The following PROZ variants were observed in gnomAD, a reference collection of about 807,000 sequenced individuals.
PROZ encodes protein Z, vitamin K dependent plasma glycoprotein, also known as vitamin K-dependent protein Z.
In PROZ, 46 loss-of-function variants were observed where a neutral mutation model predicts 34.9. That is an observed-to-expected ratio of 1.32 (90% confidence interval 1.04 to 1.69). The LOEUF is 1.69. Ranked by LOEUF, PROZ falls within the 40% of genes most tolerant of loss-of-function variation. The pLI, the probability that PROZ is intolerant of heterozygous loss-of-function variation, is 0.00. For synonymous variants in PROZ, 195 were observed against 208.5 expected (o/e 0.94, Z 0.56); for missense variants, 530 against 520.4 (o/e 1.02, Z -0.18).
Position 113,168,889 on chromosome 13 carries a change from C to G in PROZ, c.574-1524C>G, listed in dbSNP as rs3024758. Among the ~76,000 whole-genome samples the G allele has an allele frequency of 6.3e-3, 964 of 152,196 alleles. 10 individuals carry two copies. The highest frequency in any genetic ancestry group is 0.022 in the African/African-American group (919 of 41,514). On this transcript the variant is annotated intron_variant, in intron 6 of 7. Transcript: ENST00000375547. Reference sequence around the variant, plus strand: ...GACCATAGGTGTGCACGACCACACACAGCTAATTTTTAAATTTCATGTAGA... The same window carrying G: ...GACCATAGGTGTGCACGACCACACAGAGCTAATTTTTAAATTTCATGTAGA...
At position 113,159,948 on chromosome 13, in the gene PROZ, C is replaced by CTCTGGAAAG. The variant is rs1433877833; in HGVS notation, c.71-66_71-65insTCTGGAAAG. On this transcript the variant is annotated intron_variant, in intron 1 of 7. Transcript: ENST00000375547. This position sits in a 1 kb window ranked among gnomAD's most constrained non-coding sequence, Gnocchi z 4.6. ...GGCTGGCGGCCGGCCGGGGAGGAAG[C>CTCTGGAAAG]CAGGCAGCTCTGGAAAGCAGGGCCC... 1.4e-5 allele frequency: 23 copies of CTCTGGAAAG among 1,593,296 alleles called. No individual in the cohort carries two copies. Among genetic ancestry groups the CTCTGGAAAG allele is most frequent in the Admixed American group, 3.3e-5 (2 of 59,974 alleles).
At position 113,158,807 on chromosome 13, in the gene PROZ, A is replaced by C; in HGVS notation, c.70+77A>C. On this transcript the variant is annotated intron_variant, in intron 1 of 7. Coordinates refer to ENST00000375547, the MANE Select transcript of PROZ (RefSeq NM_003891.3). This position sits in a 1 kb window ranked among gnomAD's most constrained non-coding sequence, Gnocchi z 4.3. Reference sequence around the variant, plus strand: ...TCGGTCCATGGTGGATTTGTAGATGAGGCTTTTTCCAGGAGCCAGAGGAGC... The same window carrying C: ...TCGGTCCATGGTGGATTTGTAGATGCGGCTTTTTCCAGGAGCCAGAGGAGC... The C allele has an allele frequency of 6.9e-7, 1 of 1,440,392 alleles. No individual in the cohort carries two copies. The highest frequency in any genetic ancestry group is 9.5e-7 in the Non-Finnish European group (1 of 1,051,642). 89.2% of individuals were successfully genotyped at this position (1,440,392 alleles called of 1,614,324 possible).
At chr13:113,162,056 A>C (rs1225444945) in intron 3 of PROZ, among the ~76,000 whole-genome samples, 1 of 270 alleles carries the variant, frequency 3.7e-3, no homozygotes, top group African/African-American at 4.8e-3. Flanking sequence ...CCACGTCCCC[A>C]CATCCTCCTC....
rs763340899 is a variant in PROZ at position 113,164,537 on chromosome 13, G to T, written c.398G>T (p.Arg133Leu). The T allele has an allele frequency of 6.7e-5, 108 of 1,613,250 alleles. 1 individual carries two copies. The highest frequency in any genetic ancestry group is 1.7e-4 in the Admixed American group (10 of 59,962). ...ELAKNECHPE[R>L]TDGCQHFCLP... ...GCTAAAAATGAATGTCACCCAGAGC[G>T]GACTGATGGGTGTCAACACTTCTGC... The change falls in exon 5 of 8, where the codon CGG (arginine) becomes CTG (leucine). Residue 133 changes from arginine (R) to leucine (L), a missense_variant. Coordinates refer to ENST00000375547, the MANE Select transcript of PROZ (RefSeq NM_003891.3).
chr13:113,171,693 T>G lies in PROZ; in HGVS notation c.791T>G (p.Leu264Arg), dbSNP rs1018947212. 8.1e-6 allele frequency: 13 copies of G among 1,613,804 alleles called. No individual in the cohort carries two copies. The highest frequency in any genetic ancestry group is 1.1e-5 in the Non-Finnish European group (13 of 1,179,986). Reference sequence around the variant, plus strand: ...GACGCGGGGGAGAATGACCTGTCACTGCTGGAGCTGGAGTGGCCCATCCAG... The same window carrying G: ...GACGCGGGGGAGAATGACCTGTCACGGCTGGAGCTGGAGTGGCCCATCCAG... ...DADAGENDLS[L>R]LELEWPIQCP... is the part of the protein sequence containing the mutation. Residue 264 changes from leucine (L) to arginine (R), a missense_variant, in exon 8 of 8, where the codon CTG becomes CGG. Leu to Arg is a moderately radical substitution (Grantham distance 102). Coordinates refer to ENST00000375547, the MANE Select transcript of PROZ (RefSeq NM_003891.3). The surrounding 1 kb of genome is among the most constrained non-coding windows in gnomAD (Gnocchi z 5.1).
chr13:113,164,487 T>C (rs2036860318), intron 4 of PROZ, 26 bp from the exon 5 acceptor site: 1 of 1,510,422 alleles, frequency 6.6e-7, no homozygotes, highest in East Asian at 2.4e-5. Flanking sequence ...CAAGCTAGCA[T>C]TTCCTTTTTT....
chr13:113,172,233 T>C lies in PROZ; in HGVS notation c.*128T>C, dbSNP rs2138615442. 2 of 1,338,902 alleles carry C rather than the reference T, an allele frequency of 1.5e-6. No homozygotes were observed. The highest frequency in any genetic ancestry group is 2.5e-5 in the South Asian group (2 of 79,384). The allele number at this position is 1,338,902 out of a possible 1,614,324, so 82.9% of individuals were successfully genotyped here. A position where few individuals can be genotyped will look rare whatever the true frequency, so the allele number is the denominator to read the frequency against. On this transcript the variant is annotated 3_prime_UTR_variant, in exon 8 of 8. Transcript: ENST00000375547. The stretch of plus-strand genomic sequence containing the variant: ...CCGTCACAGCCCCAGACCACCCGCT[T>C]GGCCCACGCAGCAGCAGAGCCGCCG...
chr13:113,162,863 AGG>A, intron 3 of PROZ, 144 bp from the exon 4 acceptor site: 1 of 589,728 alleles, frequency 1.7e-6, no homozygotes, highest in Non-Finnish European at 3.1e-6. Flanking sequence ...CCTCCTGCTC[AGG>A]TGCTCAGGTC....
chr13:113,161,193 C>G (rs1043088249), intron 3 of PROZ, among the ~76,000 whole-genome samples: 1 of 152,246 alleles, frequency 6.6e-6, no homozygotes, highest in Non-Finnish European at 1.5e-5. Flanking sequence ...CCTGGTTTGT[C>G]TTGCCCAGTG....
chr13:113,166,654 C>T (rs1162664393), intron 6 of PROZ, among the ~76,000 whole-genome samples: 1 of 152,220 alleles, frequency 6.6e-6, no homozygotes, highest in African/African-American at 2.4e-5. Flanking sequence ...CGGGAATGGT[C>T]TATCACCAGC....
Position 113,159,379 on chromosome 13 carries a change from C to T in PROZ, c.71-635C>T, listed in dbSNP as rs1052896755. 7.9e-6 allele frequency: 9 copies of T among 1,136,480 alleles called. No homozygotes were observed. Among genetic ancestry groups the T allele is most frequent in the Admixed American group, 2.1e-5 (1 of 48,462 alleles). The allele number at this position is 1,136,480 out of a possible 1,614,324, so 70.4% of individuals were successfully genotyped here. On this transcript the variant is annotated intron_variant, in intron 1 of 7. Transcript: ENST00000375547. This position sits in a 1 kb window ranked among gnomAD's most constrained non-coding sequence, Gnocchi z 4.6. ...TGCCCTGCCCAGCACTTACCGTAGC[C>T]GGACTTAGCTGAGCCCCCCCTGCTG...
rs1357713373 is a variant in PROZ at position 113,172,282 on chromosome 13, C to T, written c.*177C>T. ...CGTTTGCTGGGTTGTTTACCGAGCA[C>T]TGTGACCTTTCTTTCCCTGGAACTC... is the stretch of plus-strand genomic sequence containing the variant. On this transcript the variant is annotated 3_prime_UTR_variant, in exon 8 of 8. Transcript: ENST00000375547. The T allele has an allele frequency of 7.7e-6, 6 of 779,940 alleles. No individual in the cohort carries two copies. The highest frequency in any genetic ancestry group is 1.2e-5 in the Non-Finnish European group (6 of 480,254). The allele number at this position is 779,940 out of a possible 1,614,324, so 48.3% of individuals were successfully genotyped here. A position where few individuals can be genotyped will look rare whatever the true frequency, so the allele number is the denominator to read the frequency against.
chr13:113,171,571 C>A lies in PROZ; in HGVS notation c.692-23C>A. 4 of 1,613,992 alleles carry A rather than the reference C, an allele frequency of 2.5e-6. No individual in the cohort carries two copies. Among genetic ancestry groups the A allele is most frequent in the Non-Finnish European group, 3.4e-6 (4 of 1,180,032 alleles). ...CCCTTGAAAATCAGACTGTAAAGAA[C>A]TGACGATTGTTCATGATTTCAGATT... is the stretch of plus-strand genomic sequence containing the variant. On this transcript the variant is annotated intron_variant, in intron 7 of 7. Coordinates refer to ENST00000375547, the MANE Select transcript of PROZ (RefSeq NM_003891.3). The surrounding 1 kb of genome is among the most constrained non-coding windows in gnomAD (Gnocchi z 5.1).
chr13:113,164,044 T>C (rs1357426497), intron 4 of PROZ, among the ~76,000 whole-genome samples: 2 of 151,590 alleles, frequency 1.3e-5, no homozygotes, highest in African/African-American at 4.9e-5. Flanking sequence ...AGTGACGCGA[T>C]GTCAGCTCAC....
chr13:113,164,815 C>T (rs1212198316), intron 5 of PROZ, among the ~76,000 whole-genome samples, 171 bp downstream of exon 5: 1 of 152,248 alleles, frequency 6.6e-6, no homozygotes, highest in Non-Finnish European at 1.5e-5. Flanking sequence ...CTAGAAAGTG[C>T]AGTTTCTGTC....
At chr13:113,169,479 T>A (rs2037044971) in intron 6 of PROZ, among the ~76,000 whole-genome samples, 1 of 152,232 alleles carries the variant, frequency 6.6e-6, no homozygotes, top group Non-Finnish European at 1.5e-5. Context: ...CGTAATGGAT[T>A]TCCAGACATG....
At chr13:113,162,795 G>A (rs559091049) in intron 3 of PROZ, among the ~76,000 whole-genome samples, 2 of 132,240 alleles carry the variant, frequency 1.5e-5, no homozygotes, top group African/African-American at 5.9e-5. Flanking sequence ...TCAGGTCCCC[G>A]TCCCTGCTCC....
At position 113,164,622 on chromosome 13, in the gene PROZ, CCACA is replaced by C; in HGVS notation, c.484_487del (p.His162AsnfsTer14). 1 of 1,613,766 alleles carries C rather than the reference CCACA, an allele frequency of 6.2e-7. No homozygotes were observed. Among genetic ancestry groups the C allele is most frequent in the Non-Finnish European group, 8.5e-7 (1 of 1,179,980 alleles). On this transcript the variant is annotated frameshift_variant, in exon 5 of 8. Coordinates refer to ENST00000375547, the MANE Select transcript of PROZ (RefSeq NM_003891.3). LOFTEE classifies it high-confidence loss of function. ...CTCAGGGCTACAGGCTTGGTGAGGACCACAAACAGTGTGTGCCCCACGGTGAGTG... is the reference window on the plus strand; with the variant it reads ...CTCAGGGCTACAGGCTTGGTGAGGACAACAGTGTGTGCCCCACGGTGAGTG...
intron 6 of PROZ, among the ~76,000 whole-genome samples, chr13:113,170,019 C>A (rs1011685599): frequency 2.0e-5 from 3 of 152,208 alleles, no homozygotes; most frequent in Non-Finnish European, 4.4e-5. Context: ...ACTGAGATGC[C>A]CCGTCCTGCT....
Sources: gnomAD v4.1 joint callset for allele counts (sites outside exome capture counted in the v4.1 genomes callset) on GRCh38, gnomAD v4.1.1 for gene constraint, Gnocchi (gnomAD v3.1) non-coding constraint, MANE v1.5 for transcripts, NCBI Gene and HGNC (gene_info 2026-07-23, HGNC 2026-07-21) for gene names.